The following UPP1 variants were observed in gnomAD, a reference collection of about 807,000 sequenced individuals.
UPP1 encodes UPase 1.
UPP1 carries 25 observed loss-of-function variants against 29.6 expected under a neutral mutation model. That is an observed-to-expected ratio of 0.85 (90% CI 0.62 to 1.18). The LOEUF (loss-of-function observed/expected upper bound fraction) is 1.18, where lower values mean the gene tolerates loss of function less well. UPP1 is among the 50% of genes most tolerant of loss of function. The pLI, the probability that UPP1 is intolerant of heterozygous loss-of-function variation, is 0.00. For synonymous variants in UPP1, 165 were observed against 159.8 expected, an observed-to-expected ratio of 1.03 and a Z score of -0.25; for missense variants, 368 against 410.4, an observed-to-expected ratio of 0.90 and a Z score of 0.89.
Position 48,107,428 on chromosome 7 carries a change from A to G in UPP1, c.714A>G (p.Ala238=), listed in dbSNP as rs374743319. 5.0e-6 allele frequency: 8 copies of G among 1,614,056 alleles called. No homozygotes were observed. The African/African-American group carries it at 1.1e-4, about 22-fold the overall frequency. ...AGGACAAGCAGGCGTATCTGGAGGC[A>G]GCCTATGCAGCCGGCGTCCGCAATA... ...TEKDKQAYLE[A]AYAAGVRNIE... is the part of the protein sequence containing the mutation. Residue 238 remains alanine, a synonymous_variant, in exon 8 of 9, where the codon GCA becomes GCG. Transcript: ENST00000395564.
At position 48,103,985 on chromosome 7, in the gene UPP1, C is replaced by T. The variant is rs572894689; in HGVS notation, c.436+574C>T. On this transcript the variant is annotated intron_variant, in intron 6 of 8. Transcript: ENST00000395564. Reference sequence around the variant, plus strand: ...CTGTAATCCCAGCACATTGGGAGGCCGAGGCGGGCGGATCACAAGATCGGG... The same window carrying T: ...CTGTAATCCCAGCACATTGGGAGGCTGAGGCGGGCGGATCACAAGATCGGG... The T allele has an allele frequency of 3.5e-5, 37 of 1,066,552 alleles. 1 individual carries two copies. In the African/African-American group the frequency reaches 3.5e-4, roughly 10 times the overall value. The allele number at this position is 1,066,552 out of a possible 1,614,324, so 66.1% of individuals were successfully genotyped here.
rs116715300 is a variant in UPP1 at position 48,101,967 on chromosome 7, G to A, written c.306G>A (p.Pro102=). The A allele has an allele frequency of 3.8e-5, 62 of 1,613,588 alleles. No homozygotes were observed. Among genetic ancestry groups the A allele is most frequent in the East Asian group, 1.6e-4 (7 of 44,850 alleles). Residue 102 remains proline, a synonymous_variant, in exon 5 of 9, where the codon CCG becomes CCA. Transcript: ENST00000395564. ...GCTATGCCATGTATAAAGTAGGACC[G>A]GTGCTGTCTGTCAGTGTGAGTACCT... ...TDRYAMYKVG[P]VLSVSHGMGI...
Position 48,103,294 on chromosome 7 carries a change from C to A in UPP1, c.322-3C>A. The stretch of plus-strand genomic sequence containing the variant: ...TAACATGGGTGTTTCTCCCTGGTTC[C>A]AGCATGGTATGGGCATTCCTTCTAT... On this transcript the variant is annotated splice_polypyrimidine_tract_variant and splice_region_variant and intron_variant, in intron 5 of 8. Coordinates refer to ENST00000395564, the MANE Select transcript of UPP1 (RefSeq NM_003364.4). 6.2e-7 allele frequency: 1 copy of A among 1,612,988 alleles called. No homozygotes were observed. Among genetic ancestry groups the A allele is most frequent in the Non-Finnish European group, 8.5e-7 (1 of 1,178,984 alleles).
At chr7:48,094,375 C>G (rs1792014170) in intron 2 of UPP1, among the ~76,000 whole-genome samples, 1 of 152,234 alleles carries the variant, frequency 6.6e-6, no homozygotes, top group African/African-American at 2.4e-5. Context: ...GCCACCACAC[C>G]TGGCTAATTT....
chr7:48,103,287 CT>C lies in UPP1; in HGVS notation c.322-9del. ...CTTGGCTTAACATGGGTGTTTCTCCCTGGTTCCAGCATGGTATGGGCATTCC... is the reference window on the plus strand; with the variant it reads ...CTTGGCTTAACATGGGTGTTTCTCCCGGTTCCAGCATGGTATGGGCATTCC... On this transcript the variant is annotated splice_polypyrimidine_tract_variant and intron_variant, in intron 5 of 8. Transcript: ENST00000395564. 4 of 1,611,020 alleles carry C rather than the reference CT, an allele frequency of 2.5e-6. No individual in the cohort carries two copies. The South Asian group carries it at 3.3e-5, about 13-fold the overall frequency.
chr7:48,094,041 T>A (rs971955648), intron 2 of UPP1, among the ~76,000 whole-genome samples: 7 of 151,988 alleles, frequency 4.6e-5, no homozygotes, highest in African/African-American at 1.7e-4. Flanking sequence ...GTGTCTGTAG[T>A]CTCAGCTACT....
In UPP1 at chr7:48,106,815, G is replaced by C. The variant is rs543693388; in HGVS notation, c.437-58G>C. 25 of 1,566,178 alleles carry C rather than the reference G, an allele frequency of 1.6e-5. No homozygotes were observed. In the African/African-American group the frequency reaches 3.1e-4, roughly 19 times the overall value. On this transcript the variant is annotated intron_variant, in intron 6 of 8. Coordinates refer to ENST00000395564, the MANE Select transcript of UPP1 (RefSeq NM_003364.4). ...CTGCTGTGTGCTCCCTGGCTGCCCT[G>C]CTTTAATTTTATTTTGTTTTACACC... is the stretch of plus-strand genomic sequence containing the variant.
intron 6 of UPP1, 128 bp downstream of exon 6, chr7:48,103,539 G>T: frequency 1.1e-6 from 1 of 937,062 alleles, no homozygotes; most frequent in Non-Finnish European, 1.7e-6. Context: ...AGGGAAGCTT[G>T]TTAACAGGAG....
chr7:48,094,113 T>C (rs1003025591), intron 2 of UPP1, among the ~76,000 whole-genome samples: 1 of 152,046 alleles, frequency 6.6e-6, no homozygotes, highest in African/African-American at 2.4e-5. Flanking sequence ...TGAGCCGAGA[T>C]GGCACCACTG....
intron 3 of UPP1, 123 bp downstream of exon 3, chr7:48,094,950 G>C (rs1792047369): frequency 1.7e-6 from 2 of 1,195,004 alleles, no homozygotes; most frequent in Admixed American, 2.1e-5. Flanking sequence ...TTGTGAAAGA[G>C]ACTGAGGCCT....
chr7:48,092,834 C>T (rs1791913428), intron 2 of UPP1, among the ~76,000 whole-genome samples: 1 of 151,948 alleles, frequency 6.6e-6, no homozygotes, highest in African/African-American at 2.4e-5. Context: ...TCCCGAGTAG[C>T]TGGGATTCCA....
At chr7:48,089,092 G>C, upstream of UPP1, 1 of 151,474 alleles carries the variant, frequency 6.6e-6, no homozygotes, top group Non-Finnish European at 1.5e-5. Flanking sequence ...GGCGGGGCCA[G>C]AGGGGCAGAG....
chr7:48,107,443 C>T lies in UPP1; in HGVS notation c.729C>T (p.Gly243=), dbSNP rs1464086799. ...ATCTGGAGGCAGCCTATGCAGCCGG[C>T]GTCCGCAATATCGAGATGGAGTCCT... ...QAYLEAAYAA[G]VRNIEMESSV... Residue 243 remains glycine, a synonymous_variant, in exon 8 of 9, where the codon GGC becomes GGT. Transcript: ENST00000395564. The T allele has an allele frequency of 3.7e-6, 6 of 1,614,170 alleles. No homozygotes were observed. Among genetic ancestry groups the T allele is most frequent in the Admixed American group, 3.3e-5 (2 of 60,030 alleles).
At chr7:48,092,707 T>G (rs957905769) in intron 2 of UPP1, among the ~76,000 whole-genome samples, 2 of 149,788 alleles carry the variant, frequency 1.3e-5, no homozygotes, top group Non-Finnish European at 3.0e-5. Context: ...TTTGTTTCTT[T>G]TTTTTTTTTT....
Position 48,095,040 on chromosome 7 carries a change from G to C in UPP1, c.44+213G>C, listed in dbSNP as rs193140853. 8.5e-4 allele frequency among the ~76,000 whole-genome samples: 130 copies of C among 152,294 alleles called. 1 individual carries two copies. Among genetic ancestry groups the C allele is most frequent in the African/African-American group, 2.9e-3 (121 of 41,558 alleles). The stretch of plus-strand genomic sequence containing the variant: ...GTCGGGTGCTGGGGCCTCAGCTCTT[G>C]ATTCTTAGGACATGTTGTTTCAGAA... On this transcript the variant is annotated intron_variant, in intron 3 of 8. Coordinates refer to ENST00000395564, the MANE Select transcript of UPP1 (RefSeq NM_003364.4).
intron 2 of UPP1, among the ~76,000 whole-genome samples, chr7:48,093,409 T>C (rs1002455329): frequency 1.3e-5 from 2 of 152,238 alleles, no homozygotes; most frequent in African/African-American, 4.8e-5. Flanking sequence ...CACAGACTCC[T>C]ACTGATGTCT....
chr7:48,106,262 A>C (rs1014149347), intron 6 of UPP1: 1 of 154,610 alleles, frequency 6.5e-6, no homozygotes, highest in Non-Finnish European at 1.4e-5. Context: ...GAATGGAAGC[A>C]AGAAATATGG....
rs1381590036 is a variant in UPP1 at position 48,103,739 on chromosome 7, T to C, written c.436+328T>C. ...TTCTAATCCCCCTTCTTCTCCATTC[T>C]CTCCTTTCCTTTGCTTACTTTTCCT... On this transcript the variant is annotated intron_variant, in intron 6 of 8. Coordinates refer to ENST00000395564, the MANE Select transcript of UPP1 (RefSeq NM_003364.4). The C allele has an allele frequency of 6.2e-6, 8 of 1,290,326 alleles. No homozygotes were observed. The East Asian group carries it at 4.3e-4, about 69-fold the overall frequency. 79.9% of individuals were successfully genotyped at this position (1,290,326 alleles called of 1,614,324 possible). A position where few individuals can be genotyped will look rare whatever the true frequency, so the allele number is the denominator to read the frequency against.
intron 2 of UPP1, among the ~76,000 whole-genome samples, chr7:48,091,828 G>A (rs1037777755): frequency 6.6e-6 from 1 of 152,140 alleles, no homozygotes; most frequent in South Asian, 2.1e-4. Flanking sequence ...AGGAGCCAGC[G>A]GAAAGCAGTG....
Sources: gnomAD v4.1 joint callset for allele counts (sites outside exome capture counted in the v4.1 genomes callset) on GRCh38, gnomAD v4.1.1 for gene constraint, MANE v1.5 for transcripts, NCBI Gene and HGNC (gene_info 2026-07-23, HGNC 2026-07-21) for gene names.